The following RHBDF2 variants were observed in gnomAD, a reference collection of about 807,000 sequenced individuals.
The protein encoded by RHBDF2 is inactive rhomboid protein 2.
Under a neutral mutation model 95.2 loss-of-function variants are expected in RHBDF2, and 38 were observed. The observed-to-expected ratio is 0.40, with a 90% confidence interval of 0.31 to 0.52. RHBDF2 has a LOEUF of 0.52. Ranked by LOEUF, RHBDF2 falls within the 20% of genes least tolerant of loss-of-function variation. The pLI is 0.56. For missense variants in RHBDF2, 863 were observed against 1,137.7 expected (o/e 0.76, Z 3.47); for synonymous variants, 442 against 462.0 (o/e 0.96, Z 0.55).
chr17:76,479,834 C>T lies in RHBDF2; in HGVS notation c.171G>A (p.Leu57=), dbSNP rs144977361. 153 of 1,612,990 alleles carry T rather than the reference C, an allele frequency of 9.5e-5. 1 individual carries two copies. The highest frequency in any genetic ancestry group is 2.2e-5 in the Non-Finnish European group (26 of 1,179,818). The change falls in exon 4 of 19, where the codon TTG becomes TTA. Residue 57 remains leucine (L), a synonymous_variant. Transcript: ENST00000675367. ...MLPERKNPAY[L]KSVSLQEPRS... is the part of the protein sequence containing the mutation. ...GTGGCTCCTGGAGGCTGACGCTCTT[C>T]AAGTAGGCTGGGTTCTTCCTCTTGG...
At chr17:76,480,069 ATATTTTTT>A (rs2073913666) in intron 3 of RHBDF2, 1 of 39,696 alleles carries the variant, frequency 2.5e-5, no homozygotes, top group Admixed American at 5.1e-4. Context: ...ATATATATAT[ATATTTTTT>A]TTTTTTTTTT....
intron 2 of RHBDF2, among the ~76,000 whole-genome samples, chr17:76,483,349 G>A (rs781599435): frequency 1.4e-4 from 21 of 151,846 alleles, no homozygotes; most frequent in South Asian, 1.3e-3. Flanking sequence ...GCAGTGGCGC[G>A]ATCTCGGCTC....
intron 12 of RHBDF2, 111 bp from the exon 13 acceptor site, chr17:76,474,253 G>A: frequency 7.3e-7 from 1 of 1,363,068 alleles, no homozygotes; most frequent in South Asian, 1.3e-5. Flanking sequence ...TCATCTATGG[G>A]GGTCTGGGAA....
rs2073965852 is a variant in RHBDF2 at position 76,481,552 on chromosome 17, T to C, written c.-21-7A>G. 6.3e-7 allele frequency: 1 copy of C among 1,599,344 alleles called. No individual in the cohort carries two copies. The highest frequency in any genetic ancestry group is 1.3e-5 in the African/African-American group (1 of 74,830). On this transcript the variant is annotated splice_region_variant and splice_polypyrimidine_tract_variant and intron_variant, in intron 2 of 18. Coordinates refer to ENST00000675367, the MANE Select transcript of RHBDF2 (RefSeq NM_001005498.4). ...TGGGCAGGAGGCGGGAGGGCTGGAA[T>C]GGAGACCGGGAGAGCAGCGGTGGGC...
chr17:76,495,759 T>C (rs2074414390), intron 1 of RHBDF2, among the ~76,000 whole-genome samples: 1 of 152,170 alleles, frequency 6.6e-6, no homozygotes, highest in South Asian at 2.1e-4. Flanking sequence ...TCCGGCTGCA[T>C]GGAGCCCCTC....
At position 76,474,477 on chromosome 17, in the gene RHBDF2, T is replaced by A. The variant is rs760935681; in HGVS notation, c.1360A>T (p.Ile454Phe). The A allele has an allele frequency of 1.2e-6, 2 of 1,614,002 alleles. No homozygotes were observed. ...CGCTCGCGCAGCACCAGCTGCTCGA[T>A]CTGCCCGTCCTTCCGGATGCAGGGT... Reference protein sequence around the residue: ...FSPCIRKDGQIEQLVLRERDL... With the variant: ...FSPCIRKDGQFEQLVLRERDL... Residue 454 changes from isoleucine to phenylalanine, a missense_variant, in exon 12 of 19, where the codon ATC (isoleucine) becomes TTC (phenylalanine). Around this residue, in one of 2 missense-constraint regions of RHBDF2, gnomAD observed 611 missense variants for 725.5 expected, o/e 0.84. Transcript: ENST00000675367.
chr17:76,479,709 G>A, intron 4 of RHBDF2, 24 bp downstream of exon 4: 1 of 1,580,610 alleles, frequency 6.3e-7, no homozygotes, highest in Non-Finnish European at 8.6e-7. Flanking sequence ...GGGGGGTGCT[G>A]GGCTTGGGTG....
At chr17:76,495,576 G>A (rs187465306) in intron 1 of RHBDF2, among the ~76,000 whole-genome samples, 5 of 152,316 alleles carry the variant, frequency 3.3e-5, no homozygotes, top group African/African-American at 1.2e-4. Flanking sequence ...CAGCTCAGCT[G>A]AGGTACAAGG....
chr17:76,480,966 C>A (rs2073945974), intron 3 of RHBDF2, among the ~76,000 whole-genome samples: 1 of 152,228 alleles, frequency 6.6e-6, no homozygotes, highest in Non-Finnish European at 1.5e-5. Context: ...CTCGTCCTCC[C>A]AAAGGAAGCG....
chr17:76,500,616 T>A (rs2074554471), intron 1 of RHBDF2, among the ~76,000 whole-genome samples: 1 of 152,160 alleles, frequency 6.6e-6, no homozygotes, highest in African/African-American at 2.4e-5. Flanking sequence ...CCTCCGTTAA[T>A]CTTTCATGGA....
intron 7 of RHBDF2, 63 bp from the exon 8 acceptor site, chr17:76,477,361 C>T: frequency 6.4e-7 from 1 of 1,559,372 alleles, no homozygotes; most frequent in South Asian, 1.2e-5. Flanking sequence ...CCCCCGGAAC[C>T]TCAATTCAAG....
At chr17:76,494,521 G>C (rs2074387560) in intron 1 of RHBDF2, among the ~76,000 whole-genome samples, 1 of 152,204 alleles carries the variant, frequency 6.6e-6, no homozygotes, top group East Asian at 1.9e-4. Flanking sequence ...GGAGGCTGAG[G>C]TGGGCAGATC....
rs1383902595 is a variant in RHBDF2, at chr17:76,476,963, C to T, written c.982G>A (p.Val328Met). ...TTCCGATCAAAGGCAAAGTGCTTCA[C>T]CTTGGAGGCGATGCGCTTGCCGCGC... ...PRRGKRIASK[V>M]KHFAFDRKKR... The change falls in exon 9 of 19, where the codon GTG becomes ATG. Residue 328 changes from valine to methionine, a missense_variant. Physicochemically the swap from Val to Met is conservative, Grantham distance 21. Around this residue, in one of 2 missense-constraint regions of RHBDF2, gnomAD observed 611 missense variants for 725.5 expected, o/e 0.84. Transcript: ENST00000675367. 4 of 1,614,004 alleles carry T rather than the reference C, an allele frequency of 2.5e-6. No individual in the cohort carries two copies. Among genetic ancestry groups the T allele is most frequent in the South Asian group, 2.2e-5 (2 of 91,090 alleles).
Position 76,477,788 on chromosome 17 carries a change from G to C in RHBDF2, c.673-3C>G, listed in dbSNP as rs1418577524. ...GTGGCATCCAGCACCGAGCGCCCCT[G>C]TGCACGGGCAGAGGCACAGCCATCA... is the stretch of plus-strand genomic sequence containing the variant. On this transcript the variant is annotated splice_polypyrimidine_tract_variant and splice_region_variant and intron_variant, in intron 6 of 18. Transcript: ENST00000675367. The C allele has an allele frequency of 1.2e-6, 2 of 1,609,328 alleles. No individual in the cohort carries two copies. The highest frequency in any genetic ancestry group is 2.7e-5 in the African/African-American group (2 of 74,936).
Position 76,477,511 on chromosome 17 carries a change from A to G in RHBDF2, c.801+146T>C, listed in dbSNP as rs370749694. On this transcript the variant is annotated intron_variant, in intron 7 of 18. Transcript: ENST00000675367. ...CTACCCAACAGAAAGATGGGGGCCC[A>G]GCAGCTCCACATAGGACCATGCCAC... 15 of 1,114,426 alleles carry G rather than the reference A, an allele frequency of 1.3e-5. No homozygotes were observed. The East Asian group carries it at 3.3e-4, about 25-fold the overall frequency. The allele number at this position is 1,114,426 out of a possible 1,614,324, so 69.0% of individuals were successfully genotyped here.
intron 10 of RHBDF2, 104 bp from the exon 11 acceptor site, chr17:76,474,908 G>C (rs2073718129): frequency 6.5e-7 from 1 of 1,530,854 alleles, no homozygotes; most frequent in Non-Finnish European, 8.9e-7. Flanking sequence ...GAAGGGGCCA[G>C]GCTATGGTGA....
chr17:76,480,567 G>A (rs1023870582), intron 3 of RHBDF2, among the ~76,000 whole-genome samples: 2 of 151,620 alleles, frequency 1.3e-5, no homozygotes, highest in Non-Finnish European at 2.9e-5. Flanking sequence ...AATTTTTTTT[G>A]CAGAGACAGA....
intron 1 of RHBDF2, among the ~76,000 whole-genome samples, chr17:76,496,065 TG>T (rs1482829011): frequency 5.3e-5 from 8 of 152,178 alleles, no homozygotes; most frequent in Non-Finnish European, 4.4e-5. Context: ...CAAACCTGCC[TG>T]GGCCACCTAC....
chr17:76,481,893 G>A (rs1265502847), intron 2 of RHBDF2: 2 of 201,766 alleles, frequency 9.9e-6, no homozygotes, highest in Non-Finnish European at 2.1e-5. Context: ...AGCGGTTATA[G>A]TAAGCCGAGA....
Sources: gnomAD v4.1 joint callset for allele counts (sites outside exome capture counted in the v4.1 genomes callset) on GRCh38, gnomAD v4.1.1 for gene constraint, gnomAD v4.1.1 regional missense constraint, MANE v1.5 for transcripts, NCBI Gene and HGNC (gene_info 2026-07-23, HGNC 2026-07-21) for gene names.